Variants in KCNG3 observed in about 807,000 individuals in gnomAD.
The protein encoded by KCNG3 is potassium voltage-gated channel modifier subfamily G member 3.
In KCNG3, 15 loss-of-function variants were observed where a neutral mutation model predicts 29.0. The observed-to-expected ratio is 0.52, with a 90% CI of 0.35 to 0.80. The LOEUF is 0.80. Among genes scored for constraint, KCNG3 ranks in the 30% least tolerant of loss-of-function variants. KCNG3 has a pLI of 0.01. For synonymous variants in KCNG3, 322 were observed against 248.9 expected (o/e 1.29, Z -2.76); for missense variants, 512 against 605.7 (o/e 0.85, Z 1.62).
chr2:42,462,080 C>G (rs1203277807), intron 1 of KCNG3, among the ~76,000 whole-genome samples: 1 of 152,022 alleles, frequency 6.6e-6, no homozygotes, highest in Non-Finnish European at 1.5e-5. Context: ...TAAAATGTAC[C>G]CATTAAACTG....
the KCNG3 span, among the ~76,000 whole-genome samples, chr2:42,390,397 T>TG: frequency 6.6e-6 from 1 of 152,198 alleles, no homozygotes; most frequent in South Asian, 2.1e-4. Flanking sequence ...CCATCCTGGG[T>TG]GAAAGATTGG....
rs1908712 is a variant in KCNG3, at chr2:42,469,939, C to G, written c.665+22898G>C. The G allele has an allele frequency of 3.3e-3, 1,124 of 342,084 alleles. 13 individuals carry two copies. The highest frequency in any genetic ancestry group is 0.023 in the African/African-American group (1,050 of 46,410). 21.2% of individuals were successfully genotyped at this position (342,084 alleles called of 1,614,324 possible). A position where few individuals can be genotyped will look rare whatever the true frequency, so the allele number is the denominator to read the frequency against. ...TGAAGGAGATTTACAAACTGGCCAA[C>G]AAGGCCTGACTCCTTCACAAACCGG... On this transcript the variant is annotated intron_variant, in intron 1 of 1. Coordinates refer to ENST00000306078, the MANE Select transcript of KCNG3 (RefSeq NM_133329.6).
chr2:42,485,170 A>C (rs1673688344), intron 1 of KCNG3, among the ~76,000 whole-genome samples: 2 of 152,192 alleles, frequency 1.3e-5, no homozygotes. Context: ...ACATTTTAAA[A>C]ATCTCAAATT....
At chr2:42,486,204 C>T (rs1303085301) in intron 1 of KCNG3, among the ~76,000 whole-genome samples, 1 of 152,198 alleles carries the variant, frequency 6.6e-6, no homozygotes, top group Non-Finnish European at 1.5e-5. Context: ...TGCCTGTGGG[C>T]CCTAGCACAG....
the KCNG3 span, among the ~76,000 whole-genome samples, chr2:42,420,196 T>G: frequency 3.3e-5 from 5 of 151,904 alleles, no homozygotes; most frequent in Non-Finnish European, 1.5e-5. Context: ...TGAACTCCAG[T>G]CTGGGTGACG....
At chr2:42,404,730 C>CA in the KCNG3 span, among the ~76,000 whole-genome samples, 3 of 151,724 alleles carry the variant, frequency 2.0e-5, no homozygotes, top group Admixed American at 6.6e-5. Context: ...CCCATCTCAC[C>CA]AAAAAAACAA....
chr2:42,493,682 G>A lies in KCNG3; in HGVS notation c.-181C>T, dbSNP rs1453143052. Reference sequence around the variant, plus strand: ...GGGTCCCTGGGCTCGAGTATCTCCGGCGCTGCTAGTAGCGCGCCCTCCGCC... The same window carrying A: ...GGGTCCCTGGGCTCGAGTATCTCCGACGCTGCTAGTAGCGCGCCCTCCGCC... On this transcript the variant is annotated 5_prime_UTR_variant, in exon 1 of 2. Coordinates refer to ENST00000306078, the MANE Select transcript of KCNG3 (RefSeq NM_133329.6). 16 of 424,966 alleles carry A rather than the reference G, an allele frequency of 3.8e-5. No homozygotes were observed. The Admixed American group carries it at 5.1e-4, about 14-fold the overall frequency. 26.3% of individuals were successfully genotyped at this position (424,966 alleles called of 1,614,324 possible).
chr2:42,486,891 G>A (rs911905358), intron 1 of KCNG3, among the ~76,000 whole-genome samples: 1 of 152,216 alleles, frequency 6.6e-6, no homozygotes. Context: ...TGGCACGGTG[G>A]CTCACTCCCG....
intron 1 of KCNG3, among the ~76,000 whole-genome samples, chr2:42,447,411 G>C (rs771175078): frequency 3.4e-4 from 51 of 152,090 alleles, no homozygotes; most frequent in Non-Finnish European, 6.2e-4. Flanking sequence ...TCAGTAAATA[G>C]AGAGCTCCCT....
chr2:42,412,616 GTTTC>G, the KCNG3 span, among the ~76,000 whole-genome samples: 1 of 152,082 alleles, frequency 6.6e-6, no homozygotes. Context: ...TTGGTAGACT[GTTTC>G]TTTCTGTGAG....
chr2:42,391,168 T>C, the KCNG3 span, among the ~76,000 whole-genome samples: 1 of 152,222 alleles, frequency 6.6e-6, no homozygotes, highest in East Asian at 1.9e-4. Context: ...CTTGTGTCTT[T>C]ATTAAGAATG....
intron 1 of KCNG3, among the ~76,000 whole-genome samples, chr2:42,449,965 A>G (rs1276903776): frequency 6.6e-6 from 1 of 152,294 alleles, no homozygotes; most frequent in East Asian, 1.9e-4. Context: ...ACTTGACATC[A>G]GAGGCTCTGT....
the KCNG3 span, among the ~76,000 whole-genome samples, chr2:42,422,218 C>G: frequency 1.3e-5 from 2 of 152,148 alleles, no homozygotes; most frequent in Middle Eastern, 6.8e-3. Flanking sequence ...GAGGTGGGAC[C>G]TTTAAGGGGT....
intron 1 of KCNG3, among the ~76,000 whole-genome samples, chr2:42,457,813 C>T (rs1308630486): frequency 6.6e-6 from 1 of 150,896 alleles, no homozygotes; most frequent in Non-Finnish European, 1.5e-5. Flanking sequence ...AAGACCCTAT[C>T]TCTAAAAAAA....
intron 1 of KCNG3, among the ~76,000 whole-genome samples, chr2:42,479,342 T>C (rs1285814174): frequency 2.0e-5 from 3 of 152,018 alleles, no homozygotes; most frequent in Non-Finnish European, 2.9e-5. Flanking sequence ...AGCATGAATA[T>C]CGTCATATAA....
At chr2:42,419,219 CTTTTTTTTTTTTTTTTTTT>C in the KCNG3 span, among the ~76,000 whole-genome samples, 77 of 27,746 alleles carry the variant, frequency 2.8e-3, no homozygotes, top group African/African-American at 8.2e-3. Flanking sequence ...GATGGTATCT[CTTTTTTTTTTTTTTTTTTT>C]TTTTTTTTTT....
the KCNG3 span, among the ~76,000 whole-genome samples, chr2:42,407,055 T>A: frequency 6.6e-6 from 1 of 152,060 alleles, no homozygotes; most frequent in Non-Finnish European, 1.5e-5. Context: ...ACACTTCACA[T>A]CATGCTTGAT....
the KCNG3 span, among the ~76,000 whole-genome samples, chr2:42,400,382 G>A: frequency 7.9e-5 from 12 of 152,258 alleles, no homozygotes; most frequent in African/African-American, 2.4e-4. Context: ...ACCAAGCTCA[G>A]AATTCAAAGC....
chr2:42,418,816 T>C, the KCNG3 span, among the ~76,000 whole-genome samples: 11 of 152,320 alleles, frequency 7.2e-5, no homozygotes, highest in Middle Eastern at 3.4e-3. Flanking sequence ...TGAAGAGTAG[T>C]TATTAAAAAT....
Sources: gnomAD v4.1 joint callset for allele counts (sites outside exome capture counted in the v4.1 genomes callset) on GRCh38, gnomAD v4.1.1 for gene constraint, MANE v1.5 for transcripts, NCBI Gene and HGNC (gene_info 2026-07-23, HGNC 2026-07-21) for gene names.